Variants in DNER observed in about 807,000 individuals in gnomAD.
DNER encodes the protein delta and Notch-like epidermal growth factor-related receptor.
Under a neutral mutation model 78.2 loss-of-function variants are expected in DNER, and 33 were observed. The observed-to-expected ratio is 0.42, with a 90% confidence interval of 0.32 to 0.56. The LOEUF is 0.56. DNER is among the 20% of genes least tolerant of loss of function. DNER has a pLI of 0.11. For missense variants in DNER, 918 were observed against 975.3 expected (o/e 0.94, Z 0.78); for synonymous variants, 417 against 384.8 (o/e 1.08, Z -0.98).
intron 7 of DNER, among the ~76,000 whole-genome samples, chr2:229,461,428 T>C (rs1419244177): frequency 6.6e-6 from 1 of 151,938 alleles, no homozygotes; most frequent in Non-Finnish European, 1.5e-5. Flanking sequence ...AAAATTCCCC[T>C]TATAGAATAT....
intron 8 of DNER, among the ~76,000 whole-genome samples, chr2:229,426,633 C>T (rs755594356): frequency 2.0e-5 from 3 of 151,458 alleles, no homozygotes; most frequent in South Asian, 4.2e-4. Context: ...TGTGTGGGTG[C>T]GTGTGTGTGT....
At chr2:229,499,379 A>G (rs1019970077) in intron 6 of DNER, among the ~76,000 whole-genome samples, 1 of 149,456 alleles carries the variant, frequency 6.7e-6, no homozygotes, top group Non-Finnish European at 1.5e-5. Context: ...CAGGAAGCAG[A>G]GGTCACAGTG....
rs561686360 is a variant in DNER, at chr2:229,478,629, A to G, written c.1148-1376T>C. ...TAAGGGAGAGTGAATTGTTTTTAAG[A>G]GGAATGCTGCAAATAACTTTTTGGC... On this transcript the variant is annotated intron_variant, in intron 6 of 12. Coordinates refer to ENST00000341772, the MANE Select transcript of DNER (RefSeq NM_139072.4). 2.0e-5 allele frequency among the ~76,000 whole-genome samples: 3 copies of G among 152,318 alleles called. No homozygotes were observed. The South Asian group carries it at 6.2e-4, about 32-fold the overall frequency.
chr2:229,591,682 C>T lies in DNER; in HGVS notation c.483G>A (p.Glu161=), dbSNP rs566365683. The part of the protein sequence containing the change: ...RQLQPVPATQ[E]PDKILPRSQA... ...GAGAGCGAGGCAGGATTTTGTCAGG[C>T]TCCTGAGTAGCAGGAACAGGCTGAA... is the stretch of plus-strand genomic sequence containing the variant. The change falls in exon 2 of 13, where the codon GAG becomes GAA. Residue 161 remains glutamate (E), a synonymous_variant. Coordinates refer to ENST00000341772, the MANE Select transcript of DNER (RefSeq NM_139072.4). The surrounding 1 kb of genome is among the most constrained non-coding windows in gnomAD (Gnocchi z 4.6). 103 of 1,614,214 alleles carry T rather than the reference C, an allele frequency of 6.4e-5. 1 individual carries two copies. In the East Asian group the frequency reaches 2.3e-3, roughly 36 times the overall value.
At chr2:229,452,923 C>T (rs1164574060) in intron 7 of DNER, among the ~76,000 whole-genome samples, 2 of 152,174 alleles carry the variant, frequency 1.3e-5, no homozygotes, top group Non-Finnish European at 2.9e-5. Flanking sequence ...CCACCACACC[C>T]AGCCAAGGCT....
At chr2:229,612,215 A>G (rs1698061612) in intron 1 of DNER, among the ~76,000 whole-genome samples, 1 of 152,194 alleles carries the variant, frequency 6.6e-6, no homozygotes. Flanking sequence ...AACAGAGAGA[A>G]TCTAGGACTT....
At chr2:229,650,542 C>T (rs989909357) in intron 1 of DNER, among the ~76,000 whole-genome samples, 3 of 152,156 alleles carry the variant, frequency 2.0e-5, no homozygotes, top group Non-Finnish European at 4.4e-5. Context: ...CTTCCAATAC[C>T]AAATTTTCAC....
At chr2:229,669,558 T>TC (rs1396933931) in intron 1 of DNER, among the ~76,000 whole-genome samples, 2 of 152,204 alleles carry the variant, frequency 1.3e-5, no homozygotes, top group Non-Finnish European at 2.9e-5. Context: ...TGGAATGTTT[T>TC]CCCATTTGTT....
rs201055097 is a variant in DNER at position 229,418,253 on chromosome 2, C to T, written c.1487-23G>A. ...AACCTGAGGGACAGAGAGAAAGGCCCACTGTCAAATGCATCCCATTTACAA... is the reference window on the plus strand; with the variant it reads ...AACCTGAGGGACAGAGAGAAAGGCCTACTGTCAAATGCATCCCATTTACAA... On this transcript the variant is annotated intron_variant, in intron 8 of 12. Coordinates refer to ENST00000341772, the MANE Select transcript of DNER (RefSeq NM_139072.4). 102 of 1,613,348 alleles carry T rather than the reference C, an allele frequency of 6.3e-5. No individual in the cohort carries two copies. In the African/African-American group the frequency reaches 1.3e-3, roughly 20 times the overall value.
rs377610928 is a variant in DNER at position 229,631,347 on chromosome 2, C to T, written c.277-39459G>A. Among the ~76,000 whole-genome samples the T allele has an allele frequency of 5.3e-5, 8 of 152,256 alleles. No individual in the cohort carries two copies. In the East Asian group the frequency reaches 9.7e-4, roughly 18 times the overall value. ...GTGTTTCCTGATCATTTTCCTGTAC[C>T]CCAGTGATTTCTTGGAGCAGAGGTT... On this transcript the variant is annotated intron_variant, in intron 1 of 12. Transcript: ENST00000341772.
At chr2:229,430,247 T>C (rs1419421980) in intron 8 of DNER, among the ~76,000 whole-genome samples, 1 of 152,178 alleles carries the variant, frequency 6.6e-6, no homozygotes, top group East Asian at 1.9e-4. Flanking sequence ...AACAGAGATA[T>C]GTTATTGTGT....
chr2:229,705,969 G>A (rs1445914182), intron 1 of DNER, among the ~76,000 whole-genome samples: 1 of 152,140 alleles, frequency 6.6e-6, no homozygotes, highest in Non-Finnish European at 1.5e-5. Flanking sequence ...TTGGCCAAGG[G>A]CTGATATAAA....
At chr2:229,546,692 C>T (rs1390772265) in intron 5 of DNER, among the ~76,000 whole-genome samples, 1 of 152,146 alleles carries the variant, frequency 6.6e-6, no homozygotes, top group Non-Finnish European at 1.5e-5. Context: ...GCCGAGATCA[C>T]ACCACTGCAC....
chr2:229,566,871 C>T (rs1311983057), intron 4 of DNER, among the ~76,000 whole-genome samples: 6 of 152,130 alleles, frequency 3.9e-5, no homozygotes, highest in African/African-American at 1.4e-4. Flanking sequence ...TATATTTTCA[C>T]TGGGATCCTA....
At chr2:229,449,184 G>A (rs1004977126) in intron 7 of DNER, among the ~76,000 whole-genome samples, 3 of 152,056 alleles carry the variant, frequency 2.0e-5, no homozygotes, top group Non-Finnish European at 4.4e-5. Context: ...AAAGTTTCTT[G>A]GCAGCCTCAA....
intron 1 of DNER, among the ~76,000 whole-genome samples, chr2:229,604,474 A>G (rs1317789450): frequency 6.6e-6 from 1 of 152,184 alleles, no homozygotes; most frequent in African/African-American, 2.4e-5. Flanking sequence ...GATCCTTAAG[A>G]GAAGTTGGAG....
At position 229,387,511 on chromosome 2, in the gene DNER, GAAAGAAAGAAAGAA is replaced by G. The variant is rs1559337871; in HGVS notation, c.1855+740_1855+753del. Among the ~76,000 whole-genome samples the G allele has an allele frequency of 3.8e-3, 153 of 39,918 alleles. 1 individual carries two copies. Among genetic ancestry groups the G allele is most frequent in the African/African-American group, 0.013 (140 of 10,582 alleles). The allele number at this position is 39,918 out of a possible 152,430, so 26.2% of individuals were successfully genotyped here. On this transcript the variant is annotated intron_variant, in intron 11 of 12. Transcript: ENST00000341772. ...AGAAAGAAAGAAAGAAAGAAAGAGA[GAAAGAAAGAAAGAA>G]AGAAAGAAAGAAAGAAAGAAAGAAA...
chr2:229,483,119 G>A (rs1695200215), intron 6 of DNER, among the ~76,000 whole-genome samples: 1 of 152,108 alleles, frequency 6.6e-6, no homozygotes, highest in South Asian at 2.1e-4. Flanking sequence ...AGGGAGAGGT[G>A]GCCTATGTGT....
At chr2:229,422,684 G>A (rs1483415200) in intron 8 of DNER, among the ~76,000 whole-genome samples, 1 of 152,180 alleles carries the variant, frequency 6.6e-6, no homozygotes, top group Non-Finnish European at 1.5e-5. Context: ...GCAGTTGGAA[G>A]TATGCGTGTA....
Sources: allele counts gnomAD v4.1 joint callset (sites outside exome capture counted in the v4.1 genomes callset), GRCh38; gene constraint gnomAD v4.1.1; non-coding constraint Gnocchi (gnomAD v3.1); transcripts MANE v1.5; gene names NCBI Gene and HGNC (gene_info 2026-07-23, HGNC 2026-07-21).